Variants in ANKRA2 observed in about 807,000 individuals in gnomAD.
ANKRA2 encodes the protein ankyrin repeat family A protein 2.
Under a neutral mutation model 37.8 loss-of-function variants are expected in ANKRA2, and 33 were observed. That is an observed-to-expected ratio of 0.87 (90% CI 0.66 to 1.17). The LOEUF (loss-of-function observed/expected upper bound fraction) is 1.17, where lower values mean the gene tolerates loss of function less well. Among genes scored for constraint, ANKRA2 ranks in the 50% most tolerant of loss-of-function variants. ANKRA2 has a pLI of 0.00. For synonymous variants in ANKRA2, 126 were observed against 132.3 expected (o/e 0.95, Z 0.33); for missense variants, 326 against 373.7 (o/e 0.87, Z 1.05).
intron 2 of ANKRA2, 89 bp from the exon 3 acceptor site, chr5:73,561,377 G>T: frequency 8.2e-7 from 1 of 1,218,404 alleles, no homozygotes; most frequent in Non-Finnish European, 1.2e-6. Flanking sequence ...TACATGAGGT[G>T]TAATAGCTTC....
At chr5:73,562,501 G>A (rs781435229) in intron 2 of ANKRA2, 92 bp downstream of exon 2, 131 of 1,273,518 alleles carry the variant, frequency 1.0e-4, no homozygotes, top group Non-Finnish European at 1.4e-4. Context: ...CTTCTAAACT[G>A]TCTTCCCAAA....
chr5:73,564,901 A>G (rs1478705557), intron 1 of ANKRA2, among the ~76,000 whole-genome samples: 1 of 51,122 alleles, frequency 2.0e-5, no homozygotes, highest in African/African-American at 5.6e-5. Flanking sequence ...GGAGTGGGGT[A>G]ACAGGACTTA....
chr5:73,565,616 C>G lies in ANKRA2; in HGVS notation c.-589G>C. 2 of 383,526 alleles carry G rather than the reference C, an allele frequency of 5.2e-6. No homozygotes were observed. Among genetic ancestry groups the G allele is most frequent in the South Asian group, 3.8e-5 (2 of 52,526 alleles). The allele number at this position is 383,526 out of a possible 1,614,324, so 23.8% of individuals were successfully genotyped here. ...GACAGGGTCATTTCAGTTGACGGTT[C>G]TGGGTCACCAGAGCAGAGGAAGCCC... is the stretch of plus-strand genomic sequence containing the variant. On this transcript the variant is annotated 5_prime_UTR_variant, in exon 1 of 9. Coordinates refer to ENST00000296785, the MANE Select transcript of ANKRA2 (RefSeq NM_023039.5).
intron 2 of ANKRA2, among the ~76,000 whole-genome samples, chr5:73,561,792 C>T (rs931537134): frequency 6.6e-6 from 1 of 151,804 alleles, no homozygotes; most frequent in Non-Finnish European, 1.5e-5. Context: ...TCTACATAAC[C>T]ATAGTGAAAG....
intron 5 of ANKRA2, chr5:73,555,224 C>T: frequency 7.6e-7 from 1 of 1,310,520 alleles, no homozygotes; most frequent in East Asian, 2.6e-5. Context: ...ACAGCTCCTC[C>T]ATGAAGCCTT....
intron 5 of ANKRA2, 151 bp downstream of exon 5, chr5:73,555,337 A>G (rs1188108995): frequency 4.5e-6 from 6 of 1,347,962 alleles, no homozygotes; most frequent in African/African-American, 1.5e-5. Context: ...TGCCTTCCCA[A>G]CTAGATCCAA....
chr5:73,558,264 C>A (rs956552510), intron 3 of ANKRA2, among the ~76,000 whole-genome samples: 2 of 152,026 alleles, frequency 1.3e-5, no homozygotes, highest in Non-Finnish European at 2.9e-5. Flanking sequence ...CAGGCATGAG[C>A]CACCATGCCT....
intron 1 of ANKRA2, 63 bp downstream of exon 1, chr5:73,565,069 T>C (rs1747690785): frequency 6.6e-6 from 1 of 152,208 alleles, no homozygotes; most frequent in Non-Finnish European, 1.5e-5. Context: ...CCCTCGTTTC[T>C]TCCTGATCCT....
chr5:73,563,941 G>A (rs1747629811), intron 1 of ANKRA2, among the ~76,000 whole-genome samples: 1 of 152,018 alleles, frequency 6.6e-6, no homozygotes, highest in Admixed American at 6.6e-5. Flanking sequence ...TGAGTAGGCA[G>A]GTCAGGTAAT....
At chr5:73,555,379 T>G in intron 5 of ANKRA2, 109 bp downstream of exon 5, 1 of 1,477,344 alleles carries the variant, frequency 6.8e-7, no homozygotes, top group Non-Finnish European at 9.0e-7. Flanking sequence ...CATTAAACTT[T>G]TTTTGGTAGC....
chr5:73,561,295 G>GA lies in ANKRA2; in HGVS notation c.290-8dup. 1 of 1,610,044 alleles carries GA rather than the reference G, an allele frequency of 6.2e-7. No homozygotes were observed. Among genetic ancestry groups the GA allele is most frequent in the Non-Finnish European group, 8.5e-7 (1 of 1,177,486 alleles). The stretch of plus-strand genomic sequence containing the variant: ...GTATGGATATTGCATTCAGCTAAGT[G>GA]AAAAACAAATGTAAACACATTAAAA... On this transcript the variant is annotated splice_region_variant and splice_polypyrimidine_tract_variant and intron_variant, in intron 2 of 8. Transcript: ENST00000296785.
At chr5:73,564,201 G>A (rs1176164473) in intron 1 of ANKRA2, among the ~76,000 whole-genome samples, 2 of 152,142 alleles carry the variant, frequency 1.3e-5, no homozygotes, top group Non-Finnish European at 2.9e-5. Context: ...TGATTCAAAG[G>A]GAGATGGATG....
chr5:73,553,454 A>G lies in ANKRA2; in HGVS notation c.838T>C (p.Ser280Pro). The G allele has an allele frequency of 1.2e-6, 2 of 1,613,590 alleles. No homozygotes were observed. The highest frequency in any genetic ancestry group is 2.2e-5 in the South Asian group (2 of 91,068). Reference sequence around the variant, plus strand: ...GCTAGATCCATAGAATTATATCCAGAGTCAGTTTCAATTGTTGGATCAGCC... The same window carrying G: ...GCTAGATCCATAGAATTATATCCAGGGTCAGTTTCAATTGTTGGATCAGCC... ...SGADPTIETD[S>P]GYNSMDLAVA... The change falls in exon 8 of 9, where the codon TCT (serine) becomes CCT (proline). Residue 280 changes from serine (S) to proline (P), a missense_variant. Ser to Pro is a moderately conservative substitution (Grantham distance 74, BLOSUM62 -1). Coordinates refer to ENST00000296785, the MANE Select transcript of ANKRA2 (RefSeq NM_023039.5).
intron 4 of ANKRA2, among the ~76,000 whole-genome samples, chr5:73,556,224 T>C (rs1458070029): frequency 6.6e-6 from 1 of 152,212 alleles, no homozygotes; most frequent in Non-Finnish European, 1.5e-5. Context: ...CCCCATTTTC[T>C]TCCCTAGATT....
intron 1 of ANKRA2, among the ~76,000 whole-genome samples, chr5:73,563,227 A>T (rs1409355069): frequency 1.3e-5 from 2 of 152,224 alleles, no homozygotes; most frequent in Non-Finnish European, 2.9e-5. Flanking sequence ...TAAAATAGGG[A>T]TATCACCATT....
At chr5:73,563,243 T>G (rs186879997) in intron 1 of ANKRA2, among the ~76,000 whole-genome samples, 1 of 152,206 alleles carries the variant, frequency 6.6e-6, no homozygotes, top group Non-Finnish European at 1.5e-5. Context: ...CCATTAACCT[T>G]ATAGGGTTCT....
intron 3 of ANKRA2, among the ~76,000 whole-genome samples, chr5:73,558,554 A>G (rs934299866): frequency 1.3e-5 from 2 of 152,108 alleles, no homozygotes; most frequent in African/African-American, 4.8e-5. Context: ...ATTTATTTTG[A>G]GACAGGGTCT....
Position 73,561,167 on chromosome 5 carries a change from T to C in ANKRA2, c.411A>G (p.Arg137=). The stretch of plus-strand genomic sequence containing the variant: ...GAGGTGTGGTAGAGACCTCATTTCC[T>C]CTGTGTTTGTTGGTTAAAGTGGTTG... ...KQSTTLTNKH[R]GNEVSTTPLL... The change falls in exon 3 of 9, where the codon AGA becomes AGG. Residue 137 remains arginine, a synonymous_variant. Coordinates refer to ENST00000296785, the MANE Select transcript of ANKRA2 (RefSeq NM_023039.5). 1 of 1,613,972 alleles carries C rather than the reference T, an allele frequency of 6.2e-7. No homozygotes were observed. The highest frequency in any genetic ancestry group is 8.5e-7 in the Non-Finnish European group (1 of 1,179,952).
At chr5:73,561,037 GA>G in intron 3 of ANKRA2, 92 bp downstream of exon 3, 1 of 1,305,980 alleles carries the variant, frequency 7.7e-7, no homozygotes, top group Non-Finnish European at 1.1e-6. Context: ...TCTTTATCCA[GA>G]AAATATGCAT....
Sources: allele counts gnomAD v4.1 joint callset (sites outside exome capture counted in the v4.1 genomes callset), GRCh38; gene constraint gnomAD v4.1.1; transcripts MANE v1.5; gene names NCBI Gene and HGNC (gene_info 2026-07-23, HGNC 2026-07-21).